Variants in G6PC1 observed in about 807,000 individuals in gnomAD.
The protein encoded by G6PC1 is G-6-Pase.
G6PC1 carries 23 observed loss-of-function variants against 30.4 expected under a neutral mutation model. That is an observed-to-expected ratio of 0.76 (90% CI 0.55 to 1.07). G6PC1 has a LOEUF of 1.07. Ranked by LOEUF, G6PC1 falls within the 50% of genes least tolerant of loss-of-function variation. The pLI, the probability that G6PC1 is intolerant of heterozygous loss-of-function variation, is 0.00. For missense variants in G6PC1, 391 were observed against 433.9 expected, an observed-to-expected ratio of 0.90 and a Z score of 0.88; for synonymous variants, 163 against 175.6, an observed-to-expected ratio of 0.93 and a Z score of 0.57.
At chr17:42,905,443 T>TATACACACAC (rs1223207559) in intron 2 of G6PC1, among the ~76,000 whole-genome samples, 1 of 87,928 alleles carries the variant, frequency 1.1e-5, no homozygotes, top group African/African-American at 5.6e-5. Flanking sequence ...TATATATATA[T>TATACACACAC]ACACACACAC....
Position 42,900,920 on chromosome 17 carries a change from C to G in G6PC1, c.44C>G (p.Ser15Ter). 1 of 1,614,130 alleles carries G rather than the reference C, an allele frequency of 6.2e-7. No homozygotes were observed. The change falls in exon 1 of 5, where the codon TCA becomes TGA. Residue 15 changes from serine (S) to a stop codon, truncating the protein, a stop_gained. Coordinates refer to ENST00000253801, the MANE Select transcript of G6PC1 (RefSeq NM_000151.4). LOFTEE classifies it high-confidence loss of function. The stretch of plus-strand genomic sequence containing the variant: ...GTTCTCCATGACTTTGGGATCCAGT[C>G]AACACATTACCTCCAGGTGAATTAC... ...MNVLHDFGIQ[S>*]THYLQVNYQD...
chr17:42,902,169 G>A (rs2056030201), intron 1 of G6PC1, among the ~76,000 whole-genome samples: 1 of 149,868 alleles, frequency 6.7e-6, no homozygotes, highest in Admixed American at 6.6e-5. Flanking sequence ...TCTCTGGGGA[G>A]CAGGGGAAAG....
chr17:42,901,993 A>G (rs1182178503), intron 1 of G6PC1, among the ~76,000 whole-genome samples: 1 of 152,236 alleles, frequency 6.6e-6, no homozygotes, highest in East Asian at 1.9e-4. Context: ...TGAGGTAGTT[A>G]CTGCTATTTA....
At chr17:42,902,342 G>A (rs772407591) in intron 1 of G6PC1, among the ~76,000 whole-genome samples, 29 of 151,986 alleles carry the variant, frequency 1.9e-4, no homozygotes, top group Admixed American at 3.9e-4. Flanking sequence ...CTGCCTCTCC[G>A]GTTCAAGTGA....
intron 3 of G6PC1, among the ~76,000 whole-genome samples, chr17:42,908,231 A>G (rs1030984245): frequency 1.3e-5 from 2 of 152,112 alleles, no homozygotes; most frequent in Non-Finnish European, 2.9e-5. Context: ...GAGTTCTGCT[A>G]TGTTGCCCAG....
In G6PC1 at chr17:42,911,124, T is replaced by C. The variant is rs779444123; in HGVS notation, c.772T>C (p.Phe258Leu). The C allele has an allele frequency of 8.7e-6, 14 of 1,613,994 alleles. No homozygotes were observed. The highest frequency in any genetic ancestry group is 1.3e-5 in the African/African-American group (1 of 74,898). Residue 258 changes from phenylalanine to leucine, a missense_variant, in exon 5 of 5, where the codon TTT becomes CTT. Coordinates refer to ENST00000253801, the MANE Select transcript of G6PC1 (RefSeq NM_000151.4). ...ATGGGTCCACATTGACACCACACCC[T>C]TTGCCAGCCTCCTCAAGAACCTGGG... is the stretch of plus-strand genomic sequence containing the variant. ...PEWVHIDTTP[F>L]ASLLKNLGTL... is the part of the protein sequence containing the mutation.
In G6PC1 at chr17:42,907,564, T is replaced by C; in HGVS notation, c.382T>C (p.Tyr128His). The change falls in exon 3 of 5, where the codon TAC (tyrosine) becomes CAC (histidine). Residue 128 changes from tyrosine to histidine, a missense_variant. Transcript: ENST00000253801. ...GHAMGTAGVY[Y>H]VMVTSTLSIF... ...TGCCATGGGCACAGCAGGTGTATAC[T>C]ACGTGATGGTCACATCTACTCTTTC... 1.9e-6 allele frequency: 3 copies of C among 1,614,038 alleles called. No homozygotes were observed. The highest frequency in any genetic ancestry group is 1.1e-5 in the South Asian group (1 of 91,066).
Position 42,907,384 on chromosome 17 carries a change from C to T in G6PC1, c.341-139C>T, listed in dbSNP as rs56160254. On this transcript the variant is annotated intron_variant, in intron 2 of 4. Transcript: ENST00000253801. ...GATGGGTGGATGGATGGGGGGTGAA[C>T]GGATGGATGGGGGGTGAATGGATGG... 3,231 of 636,626 alleles carry T rather than the reference C, an allele frequency of 5.1e-3. 57 individuals are homozygous for T. In the African/African-American group the frequency reaches 0.055, roughly 11 times the overall value. The allele number at this position is 636,626 out of a possible 1,614,324, so 39.4% of individuals were successfully genotyped here.
intron 4 of G6PC1, among the ~76,000 whole-genome samples, chr17:42,909,925 C>G (rs1177359587): frequency 6.7e-6 from 1 of 149,822 alleles, no homozygotes; most frequent in African/African-American, 2.5e-5. Flanking sequence ...TGCAGTGGTG[C>G]GATCTCGGCT....
intron 4 of G6PC1, among the ~76,000 whole-genome samples, 158 bp downstream of exon 4, chr17:42,909,576 A>T (rs1181918006): frequency 6.6e-6 from 1 of 152,226 alleles, no homozygotes; most frequent in African/African-American, 2.4e-5. Context: ...ACTTGAAATG[A>T]TTAATTTCTA....
chr17:42,903,871 T>C (rs2056042210), intron 1 of G6PC1, 60 bp from the exon 2 acceptor site: 22 of 1,111,444 alleles, frequency 2.0e-5, no homozygotes, highest in Non-Finnish European at 3.0e-5. Context: ...CTTGAAGGTG[T>C]AGGCTTTGGG....
chr17:42,903,705 CA>C (rs557777840), intron 1 of G6PC1, among the ~76,000 whole-genome samples: 135 of 138,304 alleles, frequency 9.8e-4, no homozygotes, highest in Admixed American at 1.2e-3. Context: ...GATCCTGTCT[CA>C]AAAAAAAAAA....
chr17:42,906,617 C>T (rs113382777), intron 2 of G6PC1, among the ~76,000 whole-genome samples: 2,211 of 152,250 alleles, frequency 0.015, 29 homozygotes, highest in Non-Finnish European at 0.024. Context: ...GTGGCTCACA[C>T]CTATAATCCC....
In G6PC1 at chr17:42,911,294, C is replaced by G. The variant is rs141352548; in HGVS notation, c.942C>G (p.Pro314=). 35 of 1,614,176 alleles carry G rather than the reference C, an allele frequency of 2.2e-5. No homozygotes were observed. The African/African-American group carries it at 3.6e-4, about 17-fold the overall frequency. ...TGCACGTCTTTGACTCCTTGAAACC[C>G]CCATCCCAAGTCGAGCTGGTCTTCT... The part of the protein sequence containing the change: ...VLLHVFDSLK[P]PSQVELVFYV... The change falls in exon 5 of 5, where the codon CCC becomes CCG. Residue 314 remains proline, a synonymous_variant. Transcript: ENST00000253801.
At chr17:42,903,719 AT>A (rs2056041383) in intron 1 of G6PC1, among the ~76,000 whole-genome samples, 1 of 151,900 alleles carries the variant, frequency 6.6e-6, no homozygotes, top group Admixed American at 6.6e-5. Context: ...AAAAAAAAAG[AT>A]AATACATTCA....
chr17:42,913,276 A>C lies in G6PC1; in HGVS notation c.*1850A>C, dbSNP rs1297304578. 1 of 152,228 alleles carries C rather than the reference A, an allele frequency of 6.6e-6. No individual in the cohort carries two copies. The highest frequency in any genetic ancestry group is 2.4e-5 in the African/African-American group (1 of 41,450). The allele number at this position is 152,228 out of a possible 1,614,324, so 9.4% of individuals were successfully genotyped here. ...ACCATCCTGCTCATAACATCTTTGA[A>C]AAGAAAAATATATATGTGCAGTATT... On this transcript the variant is annotated 3_prime_UTR_variant, in exon 5 of 5. Transcript: ENST00000253801.
intron 3 of G6PC1, among the ~76,000 whole-genome samples, 197 bp downstream of exon 3, chr17:42,907,825 T>A (rs2056071634): frequency 6.6e-6 from 1 of 152,146 alleles, no homozygotes; most frequent in Non-Finnish European, 1.5e-5. Context: ...GATCCAGTAG[T>A]GCAATCCGTT....
intron 2 of G6PC1, among the ~76,000 whole-genome samples, chr17:42,907,136 G>A (rs1465722785): frequency 6.6e-6 from 1 of 152,168 alleles, no homozygotes; most frequent in Non-Finnish European, 1.5e-5. Context: ...AACAGAGTGT[G>A]CAAGGAGAGA....
chr17:42,904,920 T>C (rs2056049014), intron 2 of G6PC1, among the ~76,000 whole-genome samples: 1 of 152,136 alleles, frequency 6.6e-6, no homozygotes, highest in Non-Finnish European at 1.5e-5. Context: ...AAAACCAGCC[T>C]GGCCAACATT....
Sources: gnomAD v4.1 joint callset for allele counts (sites outside exome capture counted in the v4.1 genomes callset) on GRCh38, gnomAD v4.1.1 for gene constraint, MANE v1.5 for transcripts, NCBI Gene and HGNC (gene_info 2026-07-23, HGNC 2026-07-21) for gene names.